The following TENM4 variants were observed in gnomAD, a reference collection of about 807,000 sequenced individuals.
TENM4 encodes the protein teneurin transmembrane protein 4.
In TENM4, 82 loss-of-function variants were observed where a neutral mutation model predicts 243.3. The observed-to-expected ratio is 0.34, with a 90% confidence interval of 0.28 to 0.40. TENM4 has a LOEUF of 0.40. Ranked by LOEUF, TENM4 falls within the 10% of genes least tolerant of loss-of-function variation. The pLI, the probability that TENM4 is intolerant of heterozygous loss-of-function variation, is 1.00. For synonymous variants in TENM4, 1,412 were observed against 1,456.3 expected (o/e 0.97, Z 0.69); for missense variants, 3,138 against 3,673.3 (o/e 0.85, Z 3.77).
chr11:78,788,744 TA>T (rs997734350), intron 15 of TENM4, among the ~76,000 whole-genome samples: 10 of 152,252 alleles, frequency 6.6e-5, no homozygotes, highest in Non-Finnish European at 1.2e-4. Flanking sequence ...TTGTGAGATC[TA>T]TACCTGCTCA....
At chr11:78,910,417 T>C (rs188305382) in intron 6 of TENM4, among the ~76,000 whole-genome samples, 7 of 152,222 alleles carry the variant, frequency 4.6e-5, no homozygotes, top group African/African-American at 1.7e-4. Flanking sequence ...GGGATGGTGA[T>C]GTAGCAGTGC....
intron 22 of TENM4, among the ~76,000 whole-genome samples, 183 bp from the exon 23 acceptor site, chr11:78,726,405 C>A (rs1855511706): frequency 6.6e-6 from 1 of 151,932 alleles, no homozygotes; most frequent in Admixed American, 6.6e-5. Flanking sequence ...ATCATTTTTT[C>A]TTTTTTTTGG....
At chr11:78,784,041 A>G (rs1218315118) in intron 16 of TENM4, among the ~76,000 whole-genome samples, 1 of 152,194 alleles carries the variant, frequency 6.6e-6, no homozygotes, top group Non-Finnish European at 1.5e-5. Flanking sequence ...TCCACTGCCT[A>G]GAGGTCTCGA....
chr11:78,676,723 A>G (rs571057370), intron 29 of TENM4, among the ~76,000 whole-genome samples: 1 of 152,326 alleles, frequency 6.6e-6, no homozygotes, highest in African/African-American at 2.4e-5. Context: ...TTTTTCATAA[A>G]CATTTTTCTT....
intron 6 of TENM4, among the ~76,000 whole-genome samples, chr11:78,978,047 C>T (rs1472182930): frequency 6.6e-6 from 1 of 152,172 alleles, no homozygotes; most frequent in African/African-American, 2.4e-5. Flanking sequence ...AGTTCATGTC[C>T]TTCTCAGGGA....
At chr11:79,416,604 C>T (rs907816255) in intron 1 of TENM4, among the ~76,000 whole-genome samples, 5 of 152,146 alleles carry the variant, frequency 3.3e-5, no homozygotes, top group African/African-American at 1.2e-4. Flanking sequence ...AGATATGATG[C>T]TAAGAGGTTT....
intron 6 of TENM4, among the ~76,000 whole-genome samples, chr11:78,935,421 A>G (rs1856764091): frequency 6.6e-6 from 1 of 152,214 alleles, no homozygotes; most frequent in Non-Finnish European, 1.5e-5. Flanking sequence ...GTACTCCAAT[A>G]ACTTTACTCC....
intron 3 of TENM4, among the ~76,000 whole-genome samples, chr11:79,211,361 C>T (rs372459631): frequency 1.4e-4 from 22 of 152,228 alleles, no homozygotes; most frequent in African/African-American, 5.1e-4. Flanking sequence ...TTCCTCCTCA[C>T]TCCCCGCTGG....
chr11:78,844,232 G>A (rs1281874515), intron 12 of TENM4, among the ~76,000 whole-genome samples: 1 of 152,164 alleles, frequency 6.6e-6, no homozygotes, highest in African/African-American at 2.4e-5. Context: ...AAATTCATAT[G>A]CTGAAGCCTA....
At chr11:79,091,021 G>A (rs2137052171) in intron 4 of TENM4, among the ~76,000 whole-genome samples, 1 of 152,324 alleles carries the variant, frequency 6.6e-6, no homozygotes, top group African/African-American at 2.4e-5. Context: ...TGGAGGTACA[G>A]TGGGAAATGT....
At chr11:78,665,023 A>T (rs930952836) in intron 32 of TENM4, among the ~76,000 whole-genome samples, 1 of 152,130 alleles carries the variant, frequency 6.6e-6, no homozygotes, top group African/African-American at 2.4e-5. Flanking sequence ...CCTTCTTACC[A>T]TATCAGAAGT....
At chr11:78,825,798 G>A (rs1049836042) in intron 12 of TENM4, among the ~76,000 whole-genome samples, 17 of 152,152 alleles carry the variant, frequency 1.1e-4, no homozygotes, top group Non-Finnish European at 1.9e-4. Flanking sequence ...CACAGTGACC[G>A]GCTGATCATA....
intron 6 of TENM4, among the ~76,000 whole-genome samples, chr11:78,940,642 A>T (rs1259432440): frequency 6.6e-6 from 1 of 152,106 alleles, no homozygotes; most frequent in African/African-American, 2.4e-5. Context: ...CTCCTGGGAG[A>T]TGGCAGTACC....
intron 6 of TENM4, among the ~76,000 whole-genome samples, chr11:79,027,681 A>T (rs1044979405): frequency 6.6e-6 from 1 of 152,100 alleles, no homozygotes; most frequent in African/African-American, 2.4e-5. Context: ...TTCCTTGGAC[A>T]TTTCTTCTCT....
intron 24 of TENM4, among the ~76,000 whole-genome samples, chr11:78,721,340 G>C (rs1377418374): frequency 1.3e-5 from 2 of 152,236 alleles, no homozygotes; most frequent in Admixed American, 6.5e-5. Flanking sequence ...GTCTGGCCCT[G>C]TGTGTGGGGC....
chr11:78,860,183 T>C (rs1268462329), intron 10 of TENM4, among the ~76,000 whole-genome samples: 3 of 152,328 alleles, frequency 2.0e-5, no homozygotes, highest in Non-Finnish European at 2.9e-5. Flanking sequence ...TGTTAATTAG[T>C]CTGGACTTCT....
At chr11:78,927,125 G>C (rs961521348) in intron 6 of TENM4, among the ~76,000 whole-genome samples, 1 of 152,196 alleles carries the variant, frequency 6.6e-6, no homozygotes, top group Non-Finnish European at 1.5e-5. Flanking sequence ...TTATTTTGCT[G>C]TATGTTTGGA....
chr11:79,019,491 A>C (rs933033750), intron 6 of TENM4, among the ~76,000 whole-genome samples: 1 of 152,230 alleles, frequency 6.6e-6, no homozygotes, highest in African/African-American at 2.4e-5. Context: ...CTGAAAAGGC[A>C]GAATCATTGT....
intron 4 of TENM4, among the ~76,000 whole-genome samples, chr11:79,141,911 T>C (rs763941030): frequency 2.0e-5 from 3 of 152,214 alleles, no homozygotes; most frequent in Non-Finnish European, 2.9e-5. Flanking sequence ...ATCATTTCAA[T>C]TGATGCTGAA....
Sources: allele counts gnomAD v4.1 joint callset (sites outside exome capture counted in the v4.1 genomes callset), GRCh38; gene constraint gnomAD v4.1.1; transcripts MANE v1.5; gene names NCBI Gene and HGNC (gene_info 2026-07-23, HGNC 2026-07-21).